Variants in DROSHA observed in about 807,000 individuals in gnomAD.
DROSHA encodes drosha ribonuclease III, also known as ribonuclease 3.
Under a neutral mutation model 181.9 loss-of-function variants are expected in DROSHA, and 56 were observed. That is an observed-to-expected ratio of 0.31 (90% CI 0.25 to 0.38). The LOEUF (loss-of-function observed/expected upper bound fraction) is 0.38. DROSHA is among the 10% of genes least tolerant of loss of function. The pLI is 1.00. For missense variants in DROSHA, 1,218 were observed against 1,743.5 expected (o/e 0.70, Z 5.37); for synonymous variants, 524 against 591.2 (o/e 0.89, Z 1.65).
At chr5:31,464,803 T>C (rs529208505) in intron 19 of DROSHA, among the ~76,000 whole-genome samples, 1 of 152,184 alleles carries the variant, frequency 6.6e-6, no homozygotes, top group East Asian at 1.9e-4. Context: ...TGGCATACTT[T>C]ATATAAAAAA....
At chr5:31,432,608 G>A (rs563315783) in intron 25 of DROSHA, among the ~76,000 whole-genome samples, 1 of 152,278 alleles carries the variant, frequency 6.6e-6, no homozygotes, top group South Asian at 2.1e-4. Context: ...GACCTTCTAA[G>A]CAATGAATTG....
intron 20 of DROSHA, among the ~76,000 whole-genome samples, chr5:31,452,149 T>G (rs1445492341): frequency 2.6e-5 from 4 of 152,182 alleles, no homozygotes; most frequent in Non-Finnish European, 5.9e-5. Flanking sequence ...TAGGATTCAT[T>G]CATTCTGAAA....
chr5:31,504,573 G>A lies in DROSHA; in HGVS notation c.1650C>T (p.Ser550=). 10 of 1,613,926 alleles carry A rather than the reference G, an allele frequency of 6.2e-6. No individual in the cohort carries two copies. The highest frequency in any genetic ancestry group is 8.5e-6 in the Non-Finnish European group (10 of 1,179,862). ...AKARRTGIRH[S]IYPGEEAIKP... The stretch of plus-strand genomic sequence containing the variant: ...CAGTTACCTCTTCTCCAGGATAAAT[G>A]CTGTGCCTAATTCCTGTGCGTCTTG... Residue 550 remains serine, a synonymous_variant, in exon 11 of 36, where the codon AGC becomes AGT. Transcript: ENST00000344624.
At chr5:31,495,909 G>C (rs1431112889) in intron 11 of DROSHA, among the ~76,000 whole-genome samples, 1 of 152,208 alleles carries the variant, frequency 6.6e-6, no homozygotes, top group Non-Finnish European at 1.5e-5. Flanking sequence ...ACAGGGTCTT[G>C]TCCTGTGGGT....
intron 16 of DROSHA, among the ~76,000 whole-genome samples, chr5:31,477,249 G>A (rs1750487632): frequency 1.3e-5 from 2 of 151,990 alleles, no homozygotes; most frequent in Non-Finnish European, 2.9e-5. Context: ...ATTTGGGGAG[G>A]GGGTAATTTG....
At chr5:31,506,691 G>A (rs374563959) in intron 10 of DROSHA, among the ~76,000 whole-genome samples, 1,244 of 105,468 alleles carry the variant, frequency 0.012, 10 homozygotes, top group African/African-American at 0.032. Flanking sequence ...TTGAGACTCC[G>A]TCTCAAAAAA....
chr5:31,436,524 C>CT (rs1160308292), intron 24 of DROSHA, among the ~76,000 whole-genome samples: 2 of 151,904 alleles, frequency 1.3e-5, no homozygotes, highest in Non-Finnish European at 2.9e-5. Flanking sequence ...TCCCAGGTAG[C>CT]TGGGACTACA....
At chr5:31,479,730 T>C (rs933017377) in intron 16 of DROSHA, among the ~76,000 whole-genome samples, 1 of 152,168 alleles carries the variant, frequency 6.6e-6, no homozygotes, top group Non-Finnish European at 1.5e-5. Context: ...ATATTCACTA[T>C]ATATAACATA....
intron 35 of DROSHA, among the ~76,000 whole-genome samples, chr5:31,402,890 T>A (rs751914861): frequency 2.0e-5 from 3 of 152,156 alleles, no homozygotes; most frequent in Non-Finnish European, 4.4e-5. Context: ...TTCAAGCAAT[T>A]CTCTGCCTCT....
intron 20 of DROSHA, among the ~76,000 whole-genome samples, chr5:31,455,951 T>C (rs1031364390): frequency 1.1e-4 from 17 of 152,200 alleles, no homozygotes; most frequent in Non-Finnish European, 2.2e-4. Context: ...CATATTGTTA[T>C]ACTTTTGACA....
rs78912548 is a variant in DROSHA, at chr5:31,409,242, G to A, written c.3750+8C>T. 4.0e-4 allele frequency: 635 copies of A among 1,599,490 alleles called. 8 individuals carry two copies. The East Asian group carries it at 0.014, about 36-fold the overall frequency. On this transcript the variant is annotated splice_region_variant and intron_variant, in intron 32 of 35. Transcript: ENST00000344624. The surrounding 1 kb of genome is among the most constrained non-coding windows in gnomAD (Gnocchi z 4.0). ...CAGACCACTAATTCAAACTTTATAT[G>A]AGCTTACTTTCAATCGTGGAAAGAA...
At chr5:31,495,038 A>G (rs1264328550) in intron 12 of DROSHA, among the ~76,000 whole-genome samples, 1 of 152,192 alleles carries the variant, frequency 6.6e-6, no homozygotes, top group Non-Finnish European at 1.5e-5. Context: ...CATAGCTCCA[A>G]CATTGTTGGC....
chr5:31,526,826 G>C lies in DROSHA; in HGVS notation c.107C>G (p.Pro36Arg). Residue 36 changes from proline (P) to arginine (R), a missense_variant, in exon 5 of 36, where the codon CCC (proline) becomes CGC (arginine). Coordinates refer to ENST00000344624, the MANE Select transcript of DROSHA (RefSeq NM_001382508.1). ...GARPSAPSFR[P>R]QNLRLLHPQQ... Reference sequence around the variant, plus strand: ...AGGGTGAAGCAGCCTCAGATTTTGGGGCCTAAAGGATGGTGCTGAGGGTCT... The same window carrying C: ...AGGGTGAAGCAGCCTCAGATTTTGGCGCCTAAAGGATGGTGCTGAGGGTCT... The C allele has an allele frequency of 6.2e-7, 1 of 1,613,230 alleles. No individual in the cohort carries two copies. The highest frequency in any genetic ancestry group is 8.5e-7 in the Non-Finnish European group (1 of 1,179,776).
intron 13 of DROSHA, among the ~76,000 whole-genome samples, chr5:31,490,801 TA>T (rs1752309331): frequency 6.6e-6 from 1 of 152,230 alleles, no homozygotes; most frequent in Admixed American, 6.5e-5. Context: ...ATCTAATTCC[TA>T]TGAACTGCAC....
At chr5:31,448,450 C>A in intron 23 of DROSHA, 97 bp downstream of exon 23, 1 of 1,105,826 alleles carries the variant, frequency 9.0e-7, no homozygotes, top group Non-Finnish European at 1.3e-6. Flanking sequence ...ATTTTGTGAA[C>A]ATACTAAAAA....
chr5:31,409,382 C>G lies in DROSHA; in HGVS notation c.3668-50G>C, dbSNP rs759494163. ...ATAAACCACAATCACTGCCATCTAT[C>G]AGAAAGAGTAAGAGACCTAGACCTT... On this transcript the variant is annotated intron_variant, in intron 31 of 35. Transcript: ENST00000344624. The surrounding 1 kb of genome is among the most constrained non-coding windows in gnomAD (Gnocchi z 4.0). 2.0e-6 allele frequency: 3 copies of G among 1,535,204 alleles called. No individual in the cohort carries two copies. Among genetic ancestry groups the G allele is most frequent in the Admixed American group, 4.0e-5 (2 of 50,132 alleles).
Position 31,530,944 on chromosome 5 carries a change from A to ATT in DROSHA, c.-173-21_-173-20insAA. 2 of 398,438 alleles carry ATT rather than the reference A, an allele frequency of 5.0e-6. No individual in the cohort carries two copies. Among genetic ancestry groups the ATT allele is most frequent in the Non-Finnish European group, 4.4e-6 (1 of 225,954 alleles). The allele number at this position is 398,438 out of a possible 1,614,324, so 24.7% of individuals were successfully genotyped here. ...AGCAACCTACACACAGTAGGTGGTC[A>ATT]ATAAATGTTTACTCTCTCACCAATA... On this transcript the variant is annotated intron_variant, in intron 2 of 35. Coordinates refer to ENST00000344624, the MANE Select transcript of DROSHA (RefSeq NM_001382508.1).
At chr5:31,448,738 G>T in intron 22 of DROSHA, 131 bp from the exon 23 acceptor site, 1 of 673,750 alleles carries the variant, frequency 1.5e-6, no homozygotes, top group Non-Finnish European at 2.5e-6. Context: ...CTGTCTAAAA[G>T]TGTGATAAAC....
At chr5:31,453,994 A>T (rs1285044860) in intron 20 of DROSHA, among the ~76,000 whole-genome samples, 3 of 152,040 alleles carry the variant, frequency 2.0e-5, no homozygotes, top group African/African-American at 7.2e-5. Context: ...AAAATGAAAG[A>T]CCAATGAATA....
Sources: gnomAD v4.1 joint callset for allele counts (sites outside exome capture counted in the v4.1 genomes callset) on GRCh38, gnomAD v4.1.1 for gene constraint, Gnocchi (gnomAD v3.1) non-coding constraint, MANE v1.5 for transcripts, NCBI Gene and HGNC (gene_info 2026-07-23, HGNC 2026-07-21) for gene names.